The following RBFOX1 variants were observed in gnomAD, a reference collection of about 807,000 sequenced individuals.
RBFOX1 encodes RNA binding protein fox-1 homolog 1.
A neutral mutation model predicts 57.7 loss-of-function variants in RBFOX1; 8 were observed. That is an observed-to-expected ratio of 0.14 (90% CI 0.08 to 0.25). RBFOX1 has a LOEUF of 0.25. RBFOX1 is among the 10% of genes least tolerant of loss of function. RBFOX1 has a pLI of 1.00. For synonymous variants in RBFOX1, 326 were observed against 222.4 expected (o/e 1.47, Z -4.15); for missense variants, 611 against 548.5 (o/e 1.11, Z -1.14).
At chr16:6,758,886 T>A (rs1467149906) in intron 3 of RBFOX1, among the ~76,000 whole-genome samples, 3 of 152,000 alleles carry the variant, frequency 2.0e-5, no homozygotes, top group Non-Finnish European at 4.4e-5. Context: ...ATAAAAGTAA[T>A]GGACTGAAGG....
intron 3 of RBFOX1, among the ~76,000 whole-genome samples, chr16:7,021,917 C>CT (rs148064975): frequency 3.5e-5 from 5 of 142,590 alleles, no homozygotes; most frequent in East Asian, 2.2e-4. Context: ...TCTTTCTTTT[C>CT]TTTCTTTCTT....
At chr16:6,018,079 A>C (rs573105970), upstream of RBFOX1, among the ~76,000 whole-genome samples, 23 of 152,292 alleles carry the variant, frequency 1.5e-4, no homozygotes, top group East Asian at 4.4e-3. Flanking sequence ...TGTGACCTTG[A>C]ACAAATTACA....
intron 3 of RBFOX1, among the ~76,000 whole-genome samples, chr16:5,699,379 T>C (rs1412125156): frequency 6.6e-6 from 1 of 152,042 alleles, no homozygotes; most frequent in African/African-American, 2.4e-5. Context: ...CCTTTTTTTT[T>C]TTTTTCTCCT....
At chr16:6,234,438 T>G (rs2097489693) in intron 1 of RBFOX1, among the ~76,000 whole-genome samples, 2 of 152,236 alleles carry the variant, frequency 1.3e-5, no homozygotes, top group African/African-American at 4.8e-5. Context: ...CCTTATCATT[T>G]ACCCTTCCTG....
At chr16:7,530,986 G>A (rs1028750991) in intron 5 of RBFOX1, among the ~76,000 whole-genome samples, 7 of 152,160 alleles carry the variant, frequency 4.6e-5, no homozygotes, top group Non-Finnish European at 8.8e-5. Flanking sequence ...GTGTCCTTAG[G>A]ACAGAAGTTC....
At chr16:6,220,228 A>T (rs2097363527) in intron 1 of RBFOX1, among the ~76,000 whole-genome samples, 1 of 152,024 alleles carries the variant, frequency 6.6e-6, no homozygotes, top group African/African-American at 2.4e-5. Flanking sequence ...TCATCTATCC[A>T]TTTATCGTCT....
At chr16:5,376,673 G>T (rs768163380) in intron 1 of RBFOX1, among the ~76,000 whole-genome samples, 1 of 151,884 alleles carries the variant, frequency 6.6e-6, no homozygotes, top group Non-Finnish European at 1.5e-5. Context: ...ACATGCTGCG[G>T]GTACCATTGG....
At chr16:6,596,062 C>G (rs1264328751) in intron 2 of RBFOX1, among the ~76,000 whole-genome samples, 2 of 151,834 alleles carry the variant, frequency 1.3e-5, no homozygotes, top group Non-Finnish European at 2.9e-5. Context: ...TATTCTGTTT[C>G]ATTCTGTGGA....
chr16:6,779,089 A>C (rs1174483858), intron 3 of RBFOX1, among the ~76,000 whole-genome samples: 2 of 152,036 alleles, frequency 1.3e-5, no homozygotes, highest in Non-Finnish European at 2.9e-5. Flanking sequence ...CTATTGTGCT[A>C]GTGAATACTG....
intron 1 of RBFOX1, among the ~76,000 whole-genome samples, chr16:6,178,876 A>G (rs1046496500): frequency 6.6e-6 from 1 of 152,206 alleles, no homozygotes; most frequent in Non-Finnish European, 1.5e-5. Flanking sequence ...TCTGTCCTAA[A>G]CAGCCACCAG....
chr16:7,315,456 A>AC (rs34625153), intron 4 of RBFOX1, among the ~76,000 whole-genome samples: 4,907 of 123,752 alleles, frequency 0.04, 173 homozygotes, highest in Middle Eastern at 0.085. Flanking sequence ...ACTCTACCCT[A>AC]CCCCCCCCCC....
At chr16:6,175,603 T>C (rs1028631290) in intron 1 of RBFOX1, among the ~76,000 whole-genome samples, 2 of 152,150 alleles carry the variant, frequency 1.3e-5, no homozygotes, top group Non-Finnish European at 2.9e-5. Context: ...TAGTGTTTCC[T>C]CTCAAGGGCA....
chr16:5,699,515 TTAGA>T (rs1447194626), intron 3 of RBFOX1, among the ~76,000 whole-genome samples: 1 of 152,050 alleles, frequency 6.6e-6, no homozygotes, highest in African/African-American at 2.4e-5. Flanking sequence ...AGAGGATGTT[TTAGA>T]TAGAGAGTTT....
At chr16:7,596,171 C>A (rs1173006110) in intron 8 of RBFOX1, among the ~76,000 whole-genome samples, 2 of 96,844 alleles carry the variant, frequency 2.1e-5, no homozygotes, top group Non-Finnish European at 4.3e-5. Flanking sequence ...CTAAACCTCT[C>A]GTTTTTTTTT....
chr16:6,500,794 T>G (rs2095887664), intron 2 of RBFOX1, among the ~76,000 whole-genome samples: 1 of 152,086 alleles, frequency 6.6e-6, no homozygotes, highest in African/African-American at 2.4e-5. Context: ...CTGTGATATG[T>G]GTGCAGGAGA....
At chr16:6,934,691 T>A (rs769534951) in intron 3 of RBFOX1, among the ~76,000 whole-genome samples, 2 of 142,828 alleles carry the variant, frequency 1.4e-5, no homozygotes, top group Admixed American at 1.4e-4. Context: ...TTAAAAAATA[T>A]GATCTCGAGA....
At chr16:7,422,822 A>T (rs755655348) in intron 4 of RBFOX1, 1 of 152,042 alleles carries the variant, frequency 6.6e-6, no homozygotes, top group Non-Finnish European at 1.5e-5. Context: ...TGGATTATTA[A>T]TTTCCCATCC....
At chr16:6,692,319 C>T (rs955158928) in intron 3 of RBFOX1, among the ~76,000 whole-genome samples, 3 of 106,656 alleles carry the variant, frequency 2.8e-5, no homozygotes, top group African/African-American at 7.1e-5. Context: ...GAGCAGATGT[C>T]GTTTTCACTA....
At chr16:6,125,955 G>A (rs1262786543) in intron 1 of RBFOX1, among the ~76,000 whole-genome samples, 2 of 152,148 alleles carry the variant, frequency 1.3e-5, no homozygotes, top group South Asian at 2.1e-4. Context: ...AAAGCTATAA[G>A]GAATGGGGGG....
Sources: allele counts gnomAD v4.1 joint callset (sites outside exome capture counted in the v4.1 genomes callset), GRCh38; gene constraint gnomAD v4.1.1; transcripts MANE v1.5; gene names NCBI Gene and HGNC (gene_info 2026-07-23, HGNC 2026-07-21).